Variants in NELL1 observed in about 807,000 individuals in gnomAD.
NELL1 encodes the protein protein kinase C-binding protein NELL1.
Under a neutral mutation model 107.4 loss-of-function variants are expected in NELL1, and 76 were observed. That is an observed-to-expected ratio of 0.71 (90% CI 0.59 to 0.86). The LOEUF (loss-of-function observed/expected upper bound fraction) is 0.86. Ranked by LOEUF, NELL1 falls within the 40% of genes least tolerant of loss-of-function variation. NELL1 has a pLI of 0.00. For missense variants in NELL1, 1,024 were observed against 1,005.5 expected (o/e 1.02, Z -0.25); for synonymous variants, 353 against 341.2 (o/e 1.03, Z -0.38).
chr11:21,253,927 A>C (rs958310608), intron 14 of NELL1, among the ~76,000 whole-genome samples: 1 of 152,104 alleles, frequency 6.6e-6, no homozygotes, highest in Admixed American at 6.6e-5. Context: ...TCTTAGTTTA[A>C]ATTTGAAGGA....
intron 14 of NELL1, among the ~76,000 whole-genome samples, chr11:21,269,350 CCTCTCTCT>C (rs67054627): frequency 4.7e-5 from 7 of 147,656 alleles, no homozygotes; most frequent in African/African-American, 1.2e-4. Flanking sequence ...TTGCCAAATC[CCTCTCTCT>C]CTCTCTCTCT....
intron 4 of NELL1, among the ~76,000 whole-genome samples, chr11:20,883,495 G>C (rs1319701260): frequency 6.6e-6 from 1 of 152,168 alleles, no homozygotes; most frequent in Non-Finnish European, 1.5e-5. Context: ...AACTGTGACA[G>C]AGGCAAAGTT....
intron 3 of NELL1, among the ~76,000 whole-genome samples, chr11:20,792,110 TTC>T (rs2133991990): frequency 6.6e-6 from 1 of 152,218 alleles, no homozygotes; most frequent in African/African-American, 2.4e-5. Context: ...TTTGATATCT[TTC>T]TTTTGAGTTT....
chr11:21,564,791 AC>A (rs1856931709), intron 17 of NELL1, among the ~76,000 whole-genome samples: 1 of 151,960 alleles, frequency 6.6e-6, no homozygotes, highest in South Asian at 2.1e-4. Context: ...GGGATGAATT[AC>A]CGTGGAAAGG....
chr11:21,088,173 G>C (rs1263814963), intron 12 of NELL1, among the ~76,000 whole-genome samples: 1 of 151,618 alleles, frequency 6.6e-6, no homozygotes, highest in African/African-American at 2.4e-5. Flanking sequence ...CTGGCCATAG[G>C]AGTTTATAGA....
intron 13 of NELL1, among the ~76,000 whole-genome samples, chr11:21,201,927 G>A (rs1590728915): frequency 2.0e-5 from 3 of 152,116 alleles, no homozygotes; most frequent in Non-Finnish European, 2.9e-5. Flanking sequence ...GATGGATTAC[G>A]TTTATTGATT....
intron 14 of NELL1, among the ~76,000 whole-genome samples, chr11:21,257,375 T>C (rs562614361): frequency 9.2e-5 from 14 of 152,182 alleles, no homozygotes; most frequent in Non-Finnish European, 1.5e-4. Flanking sequence ...GATAATACTT[T>C]ATCTAGAGGA....
At chr11:21,097,368 C>A (rs571315798) in intron 12 of NELL1, among the ~76,000 whole-genome samples, 1 of 152,320 alleles carries the variant, frequency 6.6e-6, no homozygotes, top group South Asian at 2.1e-4. Context: ...GTGCCACTCG[C>A]ATCAGTCAAG....
chr11:20,723,558 C>T (rs11025710), intron 2 of NELL1, among the ~76,000 whole-genome samples: 16,684 of 152,156 alleles, frequency 0.11, 1,074 homozygotes, highest in Non-Finnish European at 0.15. Context: ...CAGCTGCACC[C>T]GTGAAGCTCT....
At chr11:20,703,447 A>G (rs888664815) in intron 2 of NELL1, among the ~76,000 whole-genome samples, 3 of 152,072 alleles carry the variant, frequency 2.0e-5, no homozygotes, top group African/African-American at 7.2e-5. Flanking sequence ...TTTTCAAAAA[A>G]CCAGCTCCCG....
At chr11:21,203,992 T>C (rs1216115359) in intron 13 of NELL1, among the ~76,000 whole-genome samples, 1 of 152,232 alleles carries the variant, frequency 6.6e-6, no homozygotes, top group Non-Finnish European at 1.5e-5. Flanking sequence ...GTTAGTCTGA[T>C]GGGCTTCCCT....
intron 13 of NELL1, among the ~76,000 whole-genome samples, chr11:21,126,472 C>T (rs924401969): frequency 2.6e-5 from 4 of 152,138 alleles, no homozygotes; most frequent in Admixed American, 6.6e-5. Context: ...ATATTTAACC[C>T]GCAGCTCTGC....
At chr11:21,104,248 C>T (rs1854892615) in intron 12 of NELL1, among the ~76,000 whole-genome samples, 1 of 152,200 alleles carries the variant, frequency 6.6e-6, no homozygotes, top group South Asian at 2.1e-4. Context: ...GATCACCCTT[C>T]ACTCAATGTG....
intron 13 of NELL1, among the ~76,000 whole-genome samples, chr11:21,211,918 T>G (rs1315383792): frequency 2.0e-5 from 3 of 152,240 alleles, no homozygotes; most frequent in South Asian, 2.1e-4. Flanking sequence ...CTCTGCCTCC[T>G]GGGTTCAAAT....
chr11:21,546,713 T>A (rs552519702), intron 16 of NELL1, among the ~76,000 whole-genome samples: 1 of 152,138 alleles, frequency 6.6e-6, no homozygotes, highest in African/African-American at 2.4e-5. Context: ...CCTCTTTTCT[T>A]TGTAAATTAC....
At chr11:21,328,062 G>A (rs1055692132) in intron 14 of NELL1, among the ~76,000 whole-genome samples, 3 of 152,162 alleles carry the variant, frequency 2.0e-5, no homozygotes, top group Non-Finnish European at 4.4e-5. Context: ...GCAGAAATTT[G>A]CACAAGTAAT....
chr11:21,140,963 A>T (rs1855852779), intron 13 of NELL1, among the ~76,000 whole-genome samples: 1 of 152,194 alleles, frequency 6.6e-6, no homozygotes, highest in Non-Finnish European at 1.5e-5. Context: ...CATTGTGGAA[A>T]ATACCTGAAT....
At chr11:21,345,809 A>G (rs999379962) in intron 14 of NELL1, among the ~76,000 whole-genome samples, 2 of 152,098 alleles carry the variant, frequency 1.3e-5, no homozygotes, top group South Asian at 4.2e-4. Flanking sequence ...TGAATTTTTC[A>G]CAGAACTTAC....
Position 21,188,212 on chromosome 11 carries a change from C to A in NELL1, c.1427-41120C>A, listed in dbSNP as rs1052997728. 2.0e-5 allele frequency among the ~76,000 whole-genome samples: 3 copies of A among 151,822 alleles called. 1 individual carries two copies. The highest frequency in any genetic ancestry group is 7.3e-5 in the African/African-American group (3 of 41,102). ...TTTGCTTCTGTTCTTTTCCTACAGTCAGTATCATCTTGGGGAAGCAGGTGA... is the reference window on the plus strand; with the variant it reads ...TTTGCTTCTGTTCTTTTCCTACAGTAAGTATCATCTTGGGGAAGCAGGTGA... On this transcript the variant is annotated intron_variant, in intron 13 of 19. Transcript: ENST00000357134.
Sources: allele counts gnomAD v4.1 joint callset (sites outside exome capture counted in the v4.1 genomes callset), GRCh38; gene constraint gnomAD v4.1.1; transcripts MANE v1.5; gene names NCBI Gene and HGNC (gene_info 2026-07-23, HGNC 2026-07-21).